Variants in MTDH observed in about 807,000 individuals in gnomAD.
MTDH encodes protein LYRIC.
In MTDH, 34 loss-of-function variants were observed where a neutral mutation model predicts 72.7. The observed-to-expected ratio is 0.47, with a 90% CI of 0.36 to 0.62. The LOEUF (loss-of-function observed/expected upper bound fraction) is 0.62. Among genes scored for constraint, MTDH ranks in the 20% least tolerant of loss-of-function variants. The pLI is 0.00. For missense variants in MTDH, 677 were observed against 699.4 expected (o/e 0.97, Z 0.36); for synonymous variants, 266 against 268.9 (o/e 0.99, Z 0.10).
rs183608120 is a variant in MTDH at position 97,723,310 on chromosome 8, A to G, written c.1678+275A>G. On this transcript the variant is annotated intron_variant, in intron 11 of 11. Transcript: ENST00000336273. ...CTACTCGGGAGGCTGAGGCAGGAGAATGGCGTGAACCCGGGAGGCAGAGCT... is the reference window on the plus strand; with the variant it reads ...CTACTCGGGAGGCTGAGGCAGGAGAGTGGCGTGAACCCGGGAGGCAGAGCT... Among the ~76,000 whole-genome samples, 484 of 151,522 alleles carry G rather than the reference A, an allele frequency of 3.2e-3. 4 individuals carry two copies. The highest frequency in any genetic ancestry group is 0.011 in the African/African-American group (455 of 41,320).
chr8:97,685,936 G>C (rs189819932), intron 2 of MTDH, among the ~76,000 whole-genome samples: 2 of 152,114 alleles, frequency 1.3e-5, no homozygotes, highest in African/African-American at 4.8e-5. Context: ...CTTTTGAAAG[G>C]ATAGAATAAT....
At chr8:97,671,546 A>G (rs528596111) in intron 2 of MTDH, among the ~76,000 whole-genome samples, 1 of 152,220 alleles carries the variant, frequency 6.6e-6, no homozygotes, top group East Asian at 1.9e-4. Context: ...TTAAGTTTGT[A>G]TGATAGATAT....
chr8:97,709,870 A>C (rs1040897840), intron 8 of MTDH, among the ~76,000 whole-genome samples: 2 of 152,232 alleles, frequency 1.3e-5, no homozygotes, highest in East Asian at 1.9e-4. Context: ...CAAAATCTCA[A>C]CTCTTTCATG....
chr8:97,655,092 C>T (rs1811915475), intron 1 of MTDH, among the ~76,000 whole-genome samples: 1 of 152,084 alleles, frequency 6.6e-6, no homozygotes, highest in African/African-American at 2.4e-5. Context: ...GAGCCAGACC[C>T]TGTCTCAAAA....
At chr8:97,664,851 T>C (rs757633621) in intron 2 of MTDH, among the ~76,000 whole-genome samples, 5 of 152,052 alleles carry the variant, frequency 3.3e-5, no homozygotes, top group Non-Finnish European at 5.9e-5. Context: ...AACCTCCGCC[T>C]CCCAGCTCAA....
intron 3 of MTDH, among the ~76,000 whole-genome samples, chr8:97,686,973 A>G (rs1813390667): frequency 6.6e-6 from 1 of 152,136 alleles, no homozygotes; most frequent in African/African-American, 2.4e-5. Flanking sequence ...TTTAAAGTCA[A>G]GCTCAGTATT....
intron 2 of MTDH, among the ~76,000 whole-genome samples, chr8:97,675,143 A>G (rs1048681213): frequency 2.0e-5 from 3 of 152,072 alleles, no homozygotes; most frequent in African/African-American, 7.2e-5. Flanking sequence ...TCATTCCTTT[A>G]TCACTTCTGG....
intron 6 of MTDH, among the ~76,000 whole-genome samples, chr8:97,697,150 A>ATATATTTTTTTTTTTTTTTTTTTTTTTT: frequency 1.5e-5 from 1 of 68,838 alleles, no homozygotes; most frequent in Admixed American, 1.6e-4. Context: ...ATATATATAT[A>ATATATTTTTTTTTTTTTTTTTTTTTTTT]TTTTTTTTTT....
Position 97,688,367 on chromosome 8 carries a change from G to A in MTDH, c.746-671G>A, listed in dbSNP as rs145443753. On this transcript the variant is annotated intron_variant, in intron 4 of 11. Transcript: ENST00000336273. Reference sequence around the variant, plus strand: ...CCTTTTATTTTTTGCTTGATAACTTGGTGGAATTTATTGCCATGGTACAGC... The same window carrying A: ...CCTTTTATTTTTTGCTTGATAACTTAGTGGAATTTATTGCCATGGTACAGC... Among the ~76,000 whole-genome samples, 1,438 of 152,130 alleles carry A rather than the reference G, an allele frequency of 9.5e-3. 78 individuals are homozygous for A. The highest frequency in any genetic ancestry group is 0.086 in the Admixed American group (1,319 of 15,268).
intron 7 of MTDH, among the ~76,000 whole-genome samples, chr8:97,704,215 C>G (rs2131041936): frequency 1.3e-5 from 2 of 152,306 alleles, no homozygotes; most frequent in East Asian, 3.9e-4. Context: ...GAATCTGTCA[C>G]TCTGTATTTA....
chr8:97,684,185 G>A (rs1813266038), intron 2 of MTDH, among the ~76,000 whole-genome samples: 1 of 150,116 alleles, frequency 6.7e-6, no homozygotes. Context: ...TTGCTGTTAA[G>A]TGTAAAATAC....
chr8:97,709,111 T>G (rs1183207428), intron 8 of MTDH, among the ~76,000 whole-genome samples: 1 of 151,784 alleles, frequency 6.6e-6, no homozygotes, highest in South Asian at 2.1e-4. Flanking sequence ...AAAGAATTGC[T>G]TGAACCCGGG....
intron 10 of MTDH, 79 bp from the exon 11 acceptor site, chr8:97,722,799 AC>A: frequency 4.3e-6 from 6 of 1,406,972 alleles, no homozygotes; most frequent in Non-Finnish European, 5.8e-6. Context: ...CTGCTAAACC[AC>A]CTCTTGGTAT....
chr8:97,673,174 A>G (rs1812699794), intron 2 of MTDH, among the ~76,000 whole-genome samples: 1 of 152,196 alleles, frequency 6.6e-6, no homozygotes, highest in Non-Finnish European at 1.5e-5. Context: ...TAGTCGGGAA[A>G]ACAACTAAAA....
intron 7 of MTDH, among the ~76,000 whole-genome samples, chr8:97,706,260 A>C (rs1814347101): frequency 6.6e-6 from 1 of 152,208 alleles, no homozygotes; most frequent in Non-Finnish European, 1.5e-5. Context: ...CTAGACAATA[A>C]ATCAATTACA....
intron 9 of MTDH, among the ~76,000 whole-genome samples, chr8:97,717,469 C>T (rs1814919282): frequency 2.0e-5 from 3 of 152,198 alleles, no homozygotes; most frequent in Admixed American, 6.5e-5. Flanking sequence ...GGCATGTGCC[C>T]TCCTGTCTCC....
chr8:97,660,916 TC>T (rs1812151191), intron 1 of MTDH, among the ~76,000 whole-genome samples, 155 bp from the exon 2 acceptor site: 3 of 151,348 alleles, frequency 2.0e-5, no homozygotes, highest in Admixed American at 6.6e-5. Context: ...CTAGGGATAA[TC>T]TATCAACTCT....
At chr8:97,657,379 T>G (rs1179348847) in intron 1 of MTDH, among the ~76,000 whole-genome samples, 1 of 152,240 alleles carries the variant, frequency 6.6e-6, no homozygotes, top group East Asian at 1.9e-4. Flanking sequence ...GGGAAGACCT[T>G]AAAGTTCTTG....
intron 2 of MTDH, among the ~76,000 whole-genome samples, chr8:97,683,750 T>C (rs933778580): frequency 3.3e-5 from 5 of 152,248 alleles, no homozygotes; most frequent in South Asian, 4.1e-4. Context: ...ATACCTACTT[T>C]AGTTCCTGTG....
Sources: gnomAD v4.1 joint callset for allele counts (sites outside exome capture counted in the v4.1 genomes callset) on GRCh38, gnomAD v4.1.1 for gene constraint, MANE v1.5 for transcripts, NCBI Gene and HGNC (gene_info 2026-07-23, HGNC 2026-07-21) for gene names.